Variants in FGD6 observed in about 807,000 individuals in gnomAD.
The protein encoded by FGD6 is FYVE, RhoGEF and PH domain-containing protein 6.
In FGD6, 90 loss-of-function variants were observed where a neutral mutation model predicts 149.4. The observed-to-expected ratio is 0.60, with a 90% confidence interval of 0.51 to 0.72. FGD6 has a LOEUF of 0.72. Among genes scored for constraint, FGD6 ranks in the 30% least tolerant of loss-of-function variants. The probability of loss-of-function intolerance (pLI) is 0.00; values close to 1 mark genes in which losing one functional copy is unlikely to be tolerated. For missense variants in FGD6, 1,437 were observed against 1,684.8 expected (o/e 0.85, Z 2.57); for synonymous variants, 527 against 584.0 (o/e 0.90, Z 1.41).
intron 14 of FGD6, among the ~76,000 whole-genome samples, chr12:95,103,082 T>C (rs1202634332): frequency 2.0e-5 from 3 of 152,224 alleles, no homozygotes; most frequent in Non-Finnish European, 1.5e-5. Context: ...ACTGCCTGGT[T>C]TCAAATCCTG....
chr12:95,096,295 C>A (rs1167047193), intron 14 of FGD6, among the ~76,000 whole-genome samples: 1 of 152,118 alleles, frequency 6.6e-6, no homozygotes, highest in Non-Finnish European at 1.5e-5. Context: ...AAACCACTCA[C>A]CTTCCCTACA....
chr12:95,117,135 T>C (rs1879040961), intron 8 of FGD6, among the ~76,000 whole-genome samples: 1 of 152,206 alleles, frequency 6.6e-6, no homozygotes, highest in East Asian at 1.9e-4. Context: ...GTTAGACTGG[T>C]AGTATTCTAT....
intron 6 of FGD6, among the ~76,000 whole-genome samples, chr12:95,140,128 A>G (rs550336966): frequency 2.6e-5 from 4 of 152,326 alleles, no homozygotes; most frequent in Admixed American, 6.5e-5. Flanking sequence ...AGAAATTTTG[A>G]ACATGAAAGT....
chr12:95,198,503 T>C (rs970761710), intron 2 of FGD6, among the ~76,000 whole-genome samples: 2 of 152,130 alleles, frequency 1.3e-5, no homozygotes, highest in African/African-American at 4.8e-5. Context: ...GCAGTGGCGC[T>C]ATCTCTGCTC....
At chr12:95,115,453 C>CT in intron 8 of FGD6, among the ~76,000 whole-genome samples, 1 of 140,510 alleles carries the variant, frequency 7.1e-6, no homozygotes, top group South Asian at 2.2e-4. Flanking sequence ...CCAGGCTGGT[C>CT]TTTAACTCCT....
intron 20 of FGD6, among the ~76,000 whole-genome samples, chr12:95,083,017 A>T (rs1565890804): frequency 9.4e-5 from 8 of 85,146 alleles, no homozygotes; most frequent in Non-Finnish European, 1.7e-4. Context: ...AAAAAAATAT[A>T]TATATATATA....
chr12:95,176,881 T>C (rs1881148960), intron 2 of FGD6, among the ~76,000 whole-genome samples: 1 of 152,170 alleles, frequency 6.6e-6, no homozygotes, highest in South Asian at 2.1e-4. Context: ...CAGGCTGGAG[T>C]GCAGTGGTGT....
In FGD6 at chr12:95,208,908, C is replaced by T; in HGVS notation, c.2376G>A (p.Glu792=). 6.2e-7 allele frequency: 1 copy of T among 1,614,110 alleles called. No individual in the cohort carries two copies. Among genetic ancestry groups the T allele is most frequent in the East Asian group, 2.2e-5 (1 of 44,888 alleles). The part of the protein sequence containing the change: ...SMEDADANVY[E]VEEPYEAPDG... ...CTGGAGCTTCATACGGCTCTTCTAC[C>T]TCATACACATTTGCATCAGCGTCCT... Residue 792 remains glutamate, a synonymous_variant, in exon 2 of 21, where the codon GAG becomes GAA. Coordinates refer to ENST00000343958, the MANE Select transcript of FGD6 (RefSeq NM_018351.4).
Position 95,194,426 on chromosome 12 carries a change from G to A in FGD6, c.2441+14417C>T, listed in dbSNP as rs142863950. ...AATTTTGTATTTTCAGTAGAGTCGG[G>A]GTTTCTACATGTTGGTCAGGCTGGT... On this transcript the variant is annotated intron_variant, in intron 2 of 20. Coordinates refer to ENST00000343958, the MANE Select transcript of FGD6 (RefSeq NM_018351.4). Among the ~76,000 whole-genome samples, 548 of 93,892 alleles carry A rather than the reference G, an allele frequency of 5.8e-3. 1 individual carries two copies. The highest frequency in any genetic ancestry group is 0.019 in the African/African-American group (485 of 25,640). The allele number at this position is 93,892 out of a possible 152,430, so 61.6% of individuals were successfully genotyped here.
At chr12:95,102,606 C>G (rs1425788780) in intron 14 of FGD6, among the ~76,000 whole-genome samples, 1 of 152,092 alleles carries the variant, frequency 6.6e-6, no homozygotes, top group Non-Finnish European at 1.5e-5. Flanking sequence ...CTGCTAGCTG[C>G]GAAGCATTTG....
At chr12:95,115,903 C>A (rs549115865) in intron 8 of FGD6, among the ~76,000 whole-genome samples, 3 of 152,308 alleles carry the variant, frequency 2.0e-5, no homozygotes, top group East Asian at 3.9e-4. Context: ...ATATCCAGCA[C>A]TGGCAATAAG....
intron 3 of FGD6, among the ~76,000 whole-genome samples, chr12:95,158,303 G>A (rs1880536789): frequency 6.6e-6 from 1 of 151,216 alleles, no homozygotes; most frequent in Admixed American, 6.6e-5. Context: ...GAGTAGCTGG[G>A]ACTACAGGTG....
chr12:95,211,205 G>T lies in FGD6; in HGVS notation c.79C>A (p.Pro27Thr). The change falls in exon 2 of 21, where the codon CCA becomes ACA. Residue 27 changes from proline to threonine, a missense_variant. By Grantham distance (38) the Pro-to-Thr change is conservative. Coordinates refer to ENST00000343958, the MANE Select transcript of FGD6 (RefSeq NM_018351.4). ...KFVVANNKPA[P>T]PPIAPKPDIV... ...TCGGGTTTAGGTGCAATAGGAGGTGGGGCTGGCTTATTATTTGCCACAACA... is the reference window on the plus strand; with the variant it reads ...TCGGGTTTAGGTGCAATAGGAGGTGTGGCTGGCTTATTATTTGCCACAACA... 6.2e-7 allele frequency: 1 copy of T among 1,612,216 alleles called. No individual in the cohort carries two copies.
At chr12:95,155,141 GTTAC>G (rs1300485713) in intron 3 of FGD6, among the ~76,000 whole-genome samples, 1 of 152,112 alleles carries the variant, frequency 6.6e-6, no homozygotes, top group Non-Finnish European at 1.5e-5. Context: ...CCTTTTATTT[GTTAC>G]TTTATTAAAG....
chr12:95,146,893 A>C (rs917978265), intron 5 of FGD6, among the ~76,000 whole-genome samples: 2 of 152,182 alleles, frequency 1.3e-5, no homozygotes, highest in African/African-American at 4.8e-5. Flanking sequence ...AATGCAAATA[A>C]AATCAAGTAT....
At chr12:95,109,724 G>A (rs1878752684) in intron 9 of FGD6, among the ~76,000 whole-genome samples, 1 of 152,090 alleles carries the variant, frequency 6.6e-6, no homozygotes, top group African/African-American at 2.4e-5. Context: ...TTAGCTGGGT[G>A]TCGTGGCTCA....
In FGD6 at chr12:95,107,020, C is replaced by T. The variant is rs1446547025; in HGVS notation, c.3351G>A (p.Leu1117=). Reference sequence around the variant, plus strand: ...TCCCAGACTGCACTGGTGTTGTATACAGCAGGGCATCATTAAACTGAAAGT... The same window carrying T: ...TCCCAGACTGCACTGGTGTTGTATATAGCAGGGCATCATTAAACTGAAAGT... The part of the protein sequence containing the change: ...RMFFLFNDAL[L]YTTPVQSGMY... The change falls in exon 13 of 21, where the codon CTG becomes CTA. Residue 1117 remains leucine, a synonymous_variant. Coordinates refer to ENST00000343958, the MANE Select transcript of FGD6 (RefSeq NM_018351.4). 1 of 1,611,212 alleles carries T rather than the reference C, an allele frequency of 6.2e-7. No homozygotes were observed. Among genetic ancestry groups the T allele is most frequent in the African/African-American group, 1.3e-5 (1 of 74,794 alleles).
intron 5 of FGD6, among the ~76,000 whole-genome samples, chr12:95,148,723 TATTAC>T (rs1299728113): frequency 3.4e-5 from 3 of 87,264 alleles, no homozygotes. Flanking sequence ...GCATATGTTA[TATTAC>T]ATATATTATA....
At position 95,189,165 on chromosome 12, in the gene FGD6, C is replaced by G. The variant is rs147676191; in HGVS notation, c.2442-16421G>C. On this transcript the variant is annotated intron_variant, in intron 2 of 20. Coordinates refer to ENST00000343958, the MANE Select transcript of FGD6 (RefSeq NM_018351.4). ...CCCGTGTTCACAGTCACAGATTTTACTTAACAGAACCCATCCACAGGGTAT... is the reference window on the plus strand; with the variant it reads ...CCCGTGTTCACAGTCACAGATTTTAGTTAACAGAACCCATCCACAGGGTAT... The G allele has an allele frequency of 2.0e-5, 3 of 152,276 alleles. 1 individual carries two copies. The highest frequency in any genetic ancestry group is 7.2e-5 in the African/African-American group (3 of 41,552). 9.4% of individuals were successfully genotyped at this position (152,276 alleles called of 1,614,324 possible).
Sources: allele counts gnomAD v4.1 joint callset (sites outside exome capture counted in the v4.1 genomes callset), GRCh38; gene constraint gnomAD v4.1.1; transcripts MANE v1.5; gene names NCBI Gene and HGNC (gene_info 2026-07-23, HGNC 2026-07-21).